NDE1: variants seen among roughly 807,000 people sequenced by gnomAD.
The protein encoded by NDE1 is nuclear distribution protein nudE homolog 1.
A neutral mutation model predicts 43.4 loss-of-function variants in NDE1; 28 were observed. That is an observed-to-expected ratio of 0.65 (90% CI 0.48 to 0.89). The LOEUF is 0.89. Among genes scored for constraint, NDE1 ranks in the 40% least tolerant of loss-of-function variants. The probability of loss-of-function intolerance (pLI) is 0.00; values close to 1 mark genes in which losing one functional copy is unlikely to be tolerated. For missense variants in NDE1, 441 were observed against 434.1 expected (o/e 1.02, Z -0.14); for synonymous variants, 184 against 172.0 (o/e 1.07, Z -0.55).
intron 8 of NDE1, among the ~76,000 whole-genome samples, chr16:15,710,664 C>G (rs2039730429): frequency 6.6e-6 from 1 of 151,874 alleles, no homozygotes; most frequent in Admixed American, 6.6e-5. Flanking sequence ...GCCAGCAGAG[C>G]ACATCTGAGG....
intron 1 of NDE1, among the ~76,000 whole-genome samples, chr16:15,657,099 T>C (rs2036807565): frequency 1.3e-5 from 2 of 152,104 alleles, no homozygotes; most frequent in African/African-American, 4.8e-5. Context: ...AATGTCTTTT[T>C]TTGTTTTTTT....
intron 3 of NDE1, among the ~76,000 whole-genome samples, chr16:15,674,860 C>G (rs1443609881): frequency 6.6e-6 from 1 of 152,116 alleles, no homozygotes; most frequent in East Asian, 1.9e-4. Flanking sequence ...GGCGACGCCA[C>G]CATGCCCTGC....
In NDE1 at chr16:15,719,270, G is replaced by A; in HGVS notation, c.948-4921G>A. ...CCTCTGCCAGTTCCTCCTTCTCGAG[G>A]TCCGCTTGTTTGCGAGCCCTCTCAG... On this transcript the variant is annotated intron_variant, in intron 8 of 8. Coordinates refer to ENST00000396354, the MANE Select transcript of NDE1 (RefSeq NM_017668.3). 1 of 1,613,174 alleles carries A rather than the reference G, an allele frequency of 6.2e-7. No individual in the cohort carries two copies. The highest frequency in any genetic ancestry group is 8.5e-7 in the Non-Finnish European group (1 of 1,180,010).
rs12935136 is a variant in NDE1, at chr16:15,709,133, G to T, written c.947+12273G>T. ...ATTTTTGTATTTTTAGTACAGATGG[G>T]GTTGCACTATGTTGGTCAGGCTTGT... On this transcript the variant is annotated intron_variant, in intron 8 of 8. Transcript: ENST00000396354. Among the ~76,000 whole-genome samples, 348 of 151,370 alleles carry T rather than the reference G, an allele frequency of 2.3e-3. 2 individuals carry two copies. The highest frequency in any genetic ancestry group is 0.01 in the Middle Eastern group (3 of 292).
chr16:15,657,862 A>T (rs2036848837), intron 1 of NDE1, among the ~76,000 whole-genome samples: 1 of 152,118 alleles, frequency 6.6e-6, no homozygotes, highest in South Asian at 2.1e-4. Context: ...TCGGCCTCAC[A>T]AAGGGCTGGG....
At chr16:15,683,708 C>CA (rs2038295789) in intron 4 of NDE1, among the ~76,000 whole-genome samples, 2 of 152,176 alleles carry the variant, frequency 1.3e-5, no homozygotes, top group South Asian at 4.1e-4. Context: ...TTACAACTAG[C>CA]ATGCTGACCT....
At chr16:15,700,106 G>A (rs1401017465) in intron 8 of NDE1, 3 of 1,128,634 alleles carry the variant, frequency 2.7e-6, no homozygotes, top group African/African-American at 1.6e-5. Flanking sequence ...AGGCTACCGT[G>A]TTGTTTTTGA....
At position 15,708,830 on chromosome 16, in the gene NDE1, G is replaced by C. The variant is rs111588143; in HGVS notation, c.947+11970G>C. ...GGTGCATCACTGCGAAGTTTCCTGT[G>C]GGGGGGGCCCTCTGAAACAGAGAGA... On this transcript the variant is annotated intron_variant, in intron 8 of 8. Coordinates refer to ENST00000396354, the MANE Select transcript of NDE1 (RefSeq NM_017668.3). 321 of 1,605,916 alleles carry C rather than the reference G, an allele frequency of 2.0e-4. 1 individual carries two copies. Among genetic ancestry groups the C allele is most frequent in the Middle Eastern group, 8.3e-4 (5 of 6,034 alleles).
chr16:15,687,981 C>T (rs1274161886), intron 5 of NDE1, among the ~76,000 whole-genome samples: 1 of 151,840 alleles, frequency 6.6e-6, no homozygotes, highest in African/African-American at 2.4e-5. Context: ...TTGAGACCAG[C>T]CTGGGCAGCA....
At chr16:15,722,161 A>G (rs1001169198) in intron 8 of NDE1, among the ~76,000 whole-genome samples, 2 of 152,076 alleles carry the variant, frequency 1.3e-5, no homozygotes, top group Non-Finnish European at 2.9e-5. Context: ...ACCTGGCCAA[A>G]TCCTTGTGCT....
rs144421849 is a variant in NDE1 at position 15,718,384 on chromosome 16, C to T, written c.948-5807C>T. On this transcript the variant is annotated intron_variant, in intron 8 of 8. Transcript: ENST00000396354. ...TGCCCTGCTCCTCCTCCAGCTCCTC[C>T]TCCAGCTGGGCGATCCGGGCCTCCA... is the stretch of plus-strand genomic sequence containing the variant. The T allele has an allele frequency of 1.2e-6, 2 of 1,604,814 alleles. No homozygotes were observed. The highest frequency in any genetic ancestry group is 8.5e-7 in the Non-Finnish European group (1 of 1,177,848).
intron 1 of NDE1, chr16:15,651,855 A>G (rs1315443693): frequency 6.6e-6 from 1 of 152,146 alleles, no homozygotes; most frequent in Admixed American, 6.6e-5. Context: ...CCCATGTTGG[A>G]TAACAGTTTA....
Position 15,726,226 on chromosome 16 carries a change from CCCCTTA to C in NDE1, c.*1977_*1982del, listed in dbSNP as rs2040749622. 3.9e-5 allele frequency: 6 copies of C among 154,722 alleles called. No homozygotes were observed. The highest frequency in any genetic ancestry group is 3.9e-4 in the Admixed American group (6 of 15,500). 9.6% of individuals were successfully genotyped at this position (154,722 alleles called of 1,614,324 possible). A position where few individuals can be genotyped will look rare whatever the true frequency, so the allele number is the denominator to read the frequency against. ...TCATGTCTTTCCCTTCCCTTCCCTTCCCCTTACTCGGCTGGAGTCCTACTGGGGCAG... is the reference window on the plus strand; with the variant it reads ...TCATGTCTTTCCCTTCCCTTCCCTTCCTCGGCTGGAGTCCTACTGGGGCAG... On this transcript the variant is annotated 3_prime_UTR_variant, in exon 9 of 9. Transcript: ENST00000396354.
At chr16:15,645,059 A>C (rs2036300187) in intron 1 of NDE1, among the ~76,000 whole-genome samples, 1 of 151,532 alleles carries the variant, frequency 6.6e-6, no homozygotes, top group Non-Finnish European at 1.5e-5. Flanking sequence ...AGCTAGGATT[A>C]CAGGCGCCCA....
chr16:15,705,367 G>A (rs2039390119), intron 8 of NDE1, among the ~76,000 whole-genome samples: 1 of 152,114 alleles, frequency 6.6e-6, no homozygotes, highest in Non-Finnish European at 1.5e-5. Context: ...GTTCTCTCTT[G>A]AGTTTATCAC....
At chr16:15,693,859 G>C (rs2038877036) in intron 6 of NDE1, among the ~76,000 whole-genome samples, 2 of 152,182 alleles carry the variant, frequency 1.3e-5, no homozygotes, top group African/African-American at 4.8e-5. Flanking sequence ...AGAATCGCTT[G>C]AACCTGGGAG....
Position 15,725,044 on chromosome 16 carries a change from T to G in NDE1, c.*793T>G. ...CAAAGCCTCTAGAAGGGGATCCTCGTTGAAAGGAGCCCTTTTTACTCAAAA... is the reference window on the plus strand; with the variant it reads ...CAAAGCCTCTAGAAGGGGATCCTCGGTGAAAGGAGCCCTTTTTACTCAAAA... On this transcript the variant is annotated 3_prime_UTR_variant, in exon 9 of 9. Transcript: ENST00000396354. 6.7e-7 allele frequency: 1 copy of G among 1,502,492 alleles called. No homozygotes were observed. Among genetic ancestry groups the G allele is most frequent in the African/African-American group, 1.4e-5 (1 of 72,702 alleles). The allele number at this position is 1,502,492 out of a possible 1,614,324, so 93.1% of individuals were successfully genotyped here.
Position 15,704,193 on chromosome 16 carries a change from C to T in NDE1, c.947+7333C>T, listed in dbSNP as rs2039329917. On this transcript the variant is annotated intron_variant, in intron 8 of 8. Transcript: ENST00000396354. ...TGGTTGGGATAGATTTTTTATAAAT[C>T]TATTTTAAACTTGTAGCTATAGTCC... 3 of 1,584,360 alleles carry T rather than the reference C, an allele frequency of 1.9e-6. No homozygotes were observed. The East Asian group carries it at 6.7e-5, about 36-fold the overall frequency.
chr16:15,645,325 A>G (rs1268225833), upstream of NDE1, among the ~76,000 whole-genome samples: 4 of 152,198 alleles, frequency 2.6e-5, no homozygotes, highest in Admixed American at 2.0e-4. Flanking sequence ...TAGTCACAAC[A>G]AGTAAATGTA....
Sources: allele counts gnomAD v4.1 joint callset (sites outside exome capture counted in the v4.1 genomes callset), GRCh38; gene constraint gnomAD v4.1.1; transcripts MANE v1.5; gene names NCBI Gene and HGNC (gene_info 2026-07-23, HGNC 2026-07-21).